Variants in TMEM255A observed in about 807,000 individuals in gnomAD.
TMEM255A encodes the protein transmembrane protein 255A, also known as family with sequence similarity 70, member A.
A neutral mutation model predicts 23.5 loss-of-function variants in TMEM255A; 14 were observed. That is an observed-to-expected ratio of 0.60 (90% confidence interval 0.39 to 0.93). TMEM255A has a LOEUF of 0.93. Ranked by LOEUF, TMEM255A falls within the 40% of genes least tolerant of loss-of-function variation. The probability of loss-of-function intolerance (pLI) is 0.00; values close to 1 mark genes in which losing one functional copy is unlikely to be tolerated. For missense variants in TMEM255A, 233 were observed against 261.7 expected, an observed-to-expected ratio of 0.89 and a Z score of 0.76; for synonymous variants, 104 against 100.3, an observed-to-expected ratio of 1.04 and a Z score of -0.22.
chrX:120,296,430 T>TTCTATTCTATTCTAC (rs2057956267), intron 2 of TMEM255A, among the ~76,000 whole-genome samples: 1 of 103,111 alleles, frequency 9.7e-6, no homozygotes, highest in Non-Finnish European at 2.0e-5. Flanking sequence ...TTCTATTCTA[T>TTCTATTCTATTCTAC]TCTATTCCAC....
chrX:120,296,438 C>T (rs200181517), intron 2 of TMEM255A, among the ~76,000 whole-genome samples: 86 of 23,213 alleles, frequency 3.7e-3, no homozygotes, highest in African/African-American at 0.011. Flanking sequence ...TATTCTATTC[C>T]ACTCCAATGC....
At chrX:120,254,606 A>G, downstream of TMEM255A, 1 of 1,211,726 alleles carries the variant, frequency 8.3e-7, no homozygotes, top group Non-Finnish European at 1.1e-6. Context: ...TAATTACTAG[A>G]AATACTAATG....
chrX:120,309,537 C>T (rs949186328), intron 1 of TMEM255A, among the ~76,000 whole-genome samples: 1 of 112,849 alleles, frequency 8.9e-6, no homozygotes, highest in Non-Finnish European at 1.9e-5. Flanking sequence ...TCGTCCGCAG[C>T]GGGAATGGAC....
intron 3 of TMEM255A, among the ~76,000 whole-genome samples, chrX:120,292,155 A>G (rs1355804775): frequency 9.0e-6 from 1 of 111,474 alleles, no homozygotes; most frequent in Non-Finnish European, 1.9e-5. Flanking sequence ...TGGTACATAT[A>G]AAAACTTTCA....
At chrX:120,302,324 A>G (rs1556026119) in intron 2 of TMEM255A, among the ~76,000 whole-genome samples, 1 of 111,153 alleles carries the variant, frequency 9.0e-6, no homozygotes, top group Non-Finnish European at 1.9e-5. Context: ...CATGGAAAAT[A>G]CCTTCCCCTC....
At chrX:120,288,909 G>A (rs1449125689) in intron 4 of TMEM255A, among the ~76,000 whole-genome samples, 2 of 112,122 alleles carry the variant, frequency 1.8e-5, no homozygotes, top group Non-Finnish European at 3.8e-5. Flanking sequence ...CTAGTTAATG[G>A]CTATACTAGG....
downstream of TMEM255A, chrX:120,254,324 C>T (rs782440342): frequency 8.3e-6 from 10 of 1,210,087 alleles, no homozygotes; most frequent in Admixed American, 1.3e-4. Flanking sequence ...ATCATATGCC[C>T]TCTTCAATCA....
At chrX:120,307,221 T>A (rs1379550328) in intron 1 of TMEM255A, among the ~76,000 whole-genome samples, 1 of 112,210 alleles carries the variant, frequency 8.9e-6, no homozygotes, top group East Asian at 2.8e-4. Context: ...AAAATTCACA[T>A]CTACTTAGAG....
chrX:120,252,981 C>A, the TMEM255A span, among the ~76,000 whole-genome samples: 29 of 112,128 alleles, frequency 2.6e-4, no homozygotes, highest in Non-Finnish European at 1.1e-4. Flanking sequence ...TCTGACATTT[C>A]AATCATTTAC....
chrX:120,277,754 A>G (rs2057809346), intron 6 of TMEM255A, among the ~76,000 whole-genome samples: 1 of 112,123 alleles, frequency 8.9e-6, no homozygotes, highest in Admixed American at 9.4e-5. Flanking sequence ...AAACAAACAA[A>G]TAAAAACCAA....
chrX:120,304,853 G>C (rs2058054503), intron 1 of TMEM255A, among the ~76,000 whole-genome samples: 1 of 111,616 alleles, frequency 9.0e-6, no homozygotes, highest in African/African-American at 3.3e-5. Context: ...AATGGGAAGT[G>C]TGTGTGTGGG....
intron 6 of TMEM255A, among the ~76,000 whole-genome samples, chrX:120,283,530 C>T (rs1556021224): frequency 9.0e-6 from 1 of 111,260 alleles, no homozygotes; most frequent in East Asian, 2.8e-4. Flanking sequence ...TCCAGCCCCA[C>T]TCTGCAGGTT....
chrX:120,309,356 G>A (rs1245088477), intron 1 of TMEM255A, among the ~76,000 whole-genome samples: 1 of 113,213 alleles, frequency 8.8e-6, no homozygotes, highest in African/African-American at 3.2e-5. Context: ...ACACAAGATC[G>A]CTGAGGGCCC....
At chrX:120,286,350 G>T (rs781787441) in intron 5 of TMEM255A, among the ~76,000 whole-genome samples, 5 of 112,147 alleles carry the variant, frequency 4.5e-5, no homozygotes, top group Admixed American at 9.4e-5. Context: ...ATTTGGGAAT[G>T]ATTGACTTTC....
At chrX:120,309,413 A>G (rs1436135830) in intron 1 of TMEM255A, among the ~76,000 whole-genome samples, 2 of 113,077 alleles carry the variant, frequency 1.8e-5, no homozygotes, top group Non-Finnish European at 3.7e-5. Flanking sequence ...CCCAACCCAC[A>G]GAGCAGTGCG....
downstream of TMEM255A, chrX:120,253,696 G>A (rs782243826): frequency 3.3e-6 from 4 of 1,210,269 alleles, no homozygotes; most frequent in African/African-American, 7.0e-5. Flanking sequence ...GTTCGTGTTA[G>A]ATCAGATTTG....
intron 5 of TMEM255A, chrX:120,285,866 A>C: frequency 2.5e-6 from 3 of 1,199,487 alleles, no homozygotes; most frequent in Non-Finnish European, 3.4e-6. Flanking sequence ...GGTTTTAAAA[A>C]CGGAAAAGAA....
rs906345537 is a variant in TMEM255A at position 120,259,282 on chromosome X, A to G, written c.*1588T>C. On this transcript the variant is annotated 3_prime_UTR_variant, in exon 9 of 9. Transcript: ENST00000371369. ...TAAAAAATCATAGTAATTTTGTATA[A>G]CATAAAAGGATTATAGTTTTTCGGA... The G allele has an allele frequency of 1.8e-5, 2 of 113,046 alleles. No homozygotes were observed. The highest frequency in any genetic ancestry group is 1.9e-5 in the Non-Finnish European group (1 of 53,349). 9.3% of individuals were successfully genotyped at this position (113,046 alleles called of 1,213,427 possible). A position where few individuals can be genotyped will look rare whatever the true frequency, so the allele number is the denominator to read the frequency against.
At chrX:120,291,638 A>G (rs2057916050) in intron 3 of TMEM255A, among the ~76,000 whole-genome samples, 1 of 104,345 alleles carries the variant, frequency 9.6e-6, no homozygotes, top group African/African-American at 3.5e-5. Context: ...ATTTGACTGC[A>G]CGGCCCTTCC....
Sources: gnomAD v4.1 joint callset for allele counts (sites outside exome capture counted in the v4.1 genomes callset) on GRCh38, gnomAD v4.1.1 for gene constraint, MANE v1.5 for transcripts, NCBI Gene and HGNC (gene_info 2026-07-23, HGNC 2026-07-21) for gene names.